Variants in KMT2E observed in about 807,000 individuals in gnomAD.
KMT2E encodes histone reader KMT2E.
Under a neutral mutation model 184.6 loss-of-function variants are expected in KMT2E, and 30 were observed. The ratio of observed to expected loss-of-function variants is 0.16; its 90% CI spans 0.12 to 0.22. The LOEUF is 0.22. KMT2E is among the 10% of genes least tolerant of loss of function. KMT2E has a pLI of 1.00. For synonymous variants in KMT2E, 815 were observed against 776.5 expected, an observed-to-expected ratio of 1.05 and a Z score of -0.82; for missense variants, 2,023 against 2,237.4, an observed-to-expected ratio of 0.90 and a Z score of 1.93.
intron 9 of KMT2E, 34 bp downstream of exon 9, chr7:105,076,115 CTG>C (rs769609952): frequency 4.8e-6 from 7 of 1,453,494 alleles, no homozygotes; most frequent in Non-Finnish European, 6.8e-6. Context: ...TTGTTATCAA[CTG>C]TCATTTATTC....
chr7:105,029,736 G>T (rs1013358098), intron 1 of KMT2E, among the ~76,000 whole-genome samples: 2 of 152,146 alleles, frequency 1.3e-5, no homozygotes, highest in African/African-American at 4.8e-5. Flanking sequence ...CACTTTGAAG[G>T]CTTGATTTTT....
At chr7:105,108,543 G>A in intron 22 of KMT2E, 1 of 455,106 alleles carries the variant, frequency 2.2e-6, no homozygotes, top group Non-Finnish European at 4.4e-6. Flanking sequence ...TTTTATAACA[G>A]AGTCCAGTTG....
chr7:105,063,268 G>A, intron 4 of KMT2E, 83 bp from the exon 5 acceptor site: 1 of 973,226 alleles, frequency 1.0e-6, no homozygotes. Flanking sequence ...TGAAATTAAG[G>A]GTTGAATTTT....
chr7:105,076,897 TG>T lies in KMT2E; in HGVS notation c.769-65del. 7.9e-5 allele frequency: 63 copies of T among 797,722 alleles called. 1 individual carries two copies. In the South Asian group the frequency reaches 9.2e-4, roughly 12 times the overall value. 49.4% of individuals were successfully genotyped at this position (797,722 alleles called of 1,614,324 possible). On this transcript the variant is annotated intron_variant, in intron 9 of 26. Transcript: ENST00000311117. Reference sequence around the variant, plus strand: ...TTGTGTGTGTGTGTGTGTGTGTGTGTGTGTGTGTGTGTGTGTGTGTGTAAGT... The same window carrying T: ...TTGTGTGTGTGTGTGTGTGTGTGTGTTGTGTGTGTGTGTGTGTGTGTAAGT...
intron 13 of KMT2E, chr7:105,089,283 C>G (rs1798107677): frequency 2.4e-6 from 1 of 424,178 alleles, no homozygotes; most frequent in African/African-American, 2.1e-5. Context: ...ACTGCAACTT[C>G]TGCCTCCTGG....
Position 105,090,058 on chromosome 7 carries a change from G to C in KMT2E, c.1408G>C (p.Val470Leu). The C allele has an allele frequency of 6.2e-7, 1 of 1,613,738 alleles. No homozygotes were observed. The highest frequency in any genetic ancestry group is 8.5e-7 in the Non-Finnish European group (1 of 1,179,902). The change falls in exon 14 of 27, where the codon GTT becomes CTT. Residue 470 changes from valine to leucine, a missense_variant. By Grantham distance (32) the Val-to-Leu change is conservative (BLOSUM62 1). Around this residue, in one of 8 missense-constraint regions of KMT2E, gnomAD observed 514 missense variants for 621.8 expected, o/e 0.83. Coordinates refer to ENST00000311117, the MANE Select transcript of KMT2E (RefSeq NM_182931.3). Reference protein sequence around the residue: ...ACLKENPECPVLKRSSESMEN... With the variant: ...ACLKENPECPLLKRSSESMEN... ...CCTCAAAGAAAACCCAGAGTGCCCT[G>C]TTCTAAAACGTAGTTCTGAATCCAT...
At chr7:105,044,381 C>T (rs979609642) in intron 3 of KMT2E, among the ~76,000 whole-genome samples, 4 of 152,112 alleles carry the variant, frequency 2.6e-5, no homozygotes, top group South Asian at 2.1e-4. Context: ...AATTTAAGGA[C>T]TTTAAGGTAT....
intron 6 of KMT2E, among the ~76,000 whole-genome samples, chr7:105,069,890 T>C (rs1797210361): frequency 6.6e-6 from 1 of 152,188 alleles, no homozygotes; most frequent in South Asian, 2.1e-4. Flanking sequence ...ATTTCAAGAA[T>C]GTTCCATAAA....
At chr7:105,092,790 AAT>A (rs1798258332) in intron 15 of KMT2E, among the ~76,000 whole-genome samples, 1 of 152,124 alleles carries the variant, frequency 6.6e-6, no homozygotes, top group South Asian at 2.1e-4. Context: ...TTAGGAAACC[AAT>A]TTAGAGTATT....
intron 1 of KMT2E, among the ~76,000 whole-genome samples, chr7:105,022,344 A>G (rs922967452): frequency 6.6e-6 from 1 of 151,928 alleles, no homozygotes; most frequent in Non-Finnish European, 1.5e-5. Flanking sequence ...GTCTTTCATG[A>G]CATTGGAAGG....
At position 105,074,772 on chromosome 7, in the gene KMT2E, A is replaced by C; in HGVS notation, c.686A>C (p.Lys229Thr). ...TCCAAAGTTAATGATAAAAGAAGGAAAAAAAGCGGGGAGAAAGAACAACAC... is the reference window on the plus strand; with the variant it reads ...TCCAAAGTTAATGATAAAAGAAGGACAAAAAGCGGGGAGAAAGAACAACAC... ...RVSKVNDKRR[K>T]KSGEKEQHIS... Residue 229 changes from lysine (K) to threonine (T), a missense_variant, in exon 8 of 27, where the codon AAA (lysine) becomes ACA (threonine). Coordinates refer to ENST00000311117, the MANE Select transcript of KMT2E (RefSeq NM_182931.3). 1.2e-6 allele frequency: 2 copies of C among 1,608,132 alleles called. No homozygotes were observed. Among genetic ancestry groups the C allele is most frequent in the Non-Finnish European group, 1.7e-6 (2 of 1,178,254 alleles).
intron 17 of KMT2E, chr7:105,102,992 A>T (rs2129569580): frequency 6.6e-6 from 1 of 152,348 alleles, no homozygotes; most frequent in Middle Eastern, 3.4e-3. Context: ...TTTACTTGCC[A>T]AAGTCGCAGG....
chr7:105,085,305 C>G (rs948208000), intron 13 of KMT2E, among the ~76,000 whole-genome samples: 3 of 152,138 alleles, frequency 2.0e-5, no homozygotes, highest in Admixed American at 1.3e-4. Flanking sequence ...TCCAGGCACA[C>G]TGGGAGGCTG....
Position 105,052,731 on chromosome 7 carries a change from T to A in KMT2E, c.72-9433T>A, listed in dbSNP as rs1326441094. Among the ~76,000 whole-genome samples the A allele has an allele frequency of 2.0e-5, 3 of 151,382 alleles. No homozygotes were observed. The South Asian group carries it at 6.3e-4, about 32-fold the overall frequency. ...GCACCACCACACCCAGCTAATTTTT[T>A]TTTTTATTTTTTTATTTTTTTTATT... On this transcript the variant is annotated intron_variant, in intron 3 of 26. Coordinates refer to ENST00000311117, the MANE Select transcript of KMT2E (RefSeq NM_182931.3).
At chr7:105,091,553 AG>A (rs1163543168) in intron 15 of KMT2E, 1 of 574,424 alleles carries the variant, frequency 1.7e-6, no homozygotes, top group East Asian at 2.9e-5. Flanking sequence ...ACATTTTGGA[AG>A]TAATAATATT....
intron 3 of KMT2E, among the ~76,000 whole-genome samples, chr7:105,047,580 AATGTTTTAC>A (rs1342915425): frequency 6.6e-6 from 1 of 152,236 alleles, no homozygotes; most frequent in Non-Finnish European, 1.5e-5. Flanking sequence ...GTGCCAGGTA[AATGTTTTAC>A]ATGTGTTACT....
intron 1 of KMT2E, among the ~76,000 whole-genome samples, chr7:105,016,070 G>A (rs1209991690): frequency 6.6e-6 from 1 of 152,144 alleles, no homozygotes; most frequent in African/African-American, 2.4e-5. Context: ...TTTAGTAACT[G>A]TATAAGTATC....
At chr7:105,081,470 G>A (rs1004149525) in intron 12 of KMT2E, among the ~76,000 whole-genome samples, 4 of 151,244 alleles carry the variant, frequency 2.6e-5, no homozygotes, top group African/African-American at 9.7e-5. Flanking sequence ...CACATTGTGG[G>A]CTCTAGGGGT....
Position 105,067,411 on chromosome 7 carries a change from T to G in KMT2E, c.497+604T>G, listed in dbSNP as rs78050172. On this transcript the variant is annotated intron_variant, in intron 6 of 26. Transcript: ENST00000311117. Reference sequence around the variant, plus strand: ...TAATTTTTTTTTCCACATTTCTTTTTTGTTTTTTAAAATCTTTTTATTATG... The same window carrying G: ...TAATTTTTTTTTCCACATTTCTTTTGTGTTTTTTAAAATCTTTTTATTATG... Among the ~76,000 whole-genome samples the G allele has an allele frequency of 3.8e-3, 583 of 152,252 alleles. 1 individual carries two copies. The highest frequency in any genetic ancestry group is 5.9e-3 in the Non-Finnish European group (402 of 68,012).
Sources: allele counts gnomAD v4.1 joint callset (sites outside exome capture counted in the v4.1 genomes callset), GRCh38; gene constraint gnomAD v4.1.1; regional missense constraint gnomAD v4.1.1; transcripts MANE v1.5; gene names NCBI Gene and HGNC (gene_info 2026-07-23, HGNC 2026-07-21).